The following STAT5B variants were observed in gnomAD, a reference collection of about 807,000 sequenced individuals.
STAT5B encodes signal transducer and activator of transcription 5B, also known as transcription factor STAT5B.
Under a neutral mutation model 107.8 loss-of-function variants are expected in STAT5B, and 21 were observed. The observed-to-expected ratio is 0.19, with a 90% CI of 0.14 to 0.28. The LOEUF is 0.28. Among genes scored for constraint, STAT5B ranks in the 10% least tolerant of loss-of-function variants. The pLI is 1.00. For synonymous variants in STAT5B, 325 were observed against 401.7 expected (o/e 0.81, Z 2.28); for missense variants, 565 against 1,008.2 (o/e 0.56, Z 5.95).
At chr17:42,238,557 C>T (rs1235521067) in intron 1 of STAT5B, among the ~76,000 whole-genome samples, 1 of 150,156 alleles carries the variant, frequency 6.7e-6, no homozygotes, top group Non-Finnish European at 1.5e-5. Flanking sequence ...CGGGTTTAAG[C>T]AATTATCTGC....
chr17:42,225,266 G>A (rs1044177351), intron 3 of STAT5B, among the ~76,000 whole-genome samples: 1 of 152,216 alleles, frequency 6.6e-6, no homozygotes, highest in Middle Eastern at 3.4e-3. Flanking sequence ...TGTTGGCCAG[G>A]CTGGTCTCGA....
intron 1 of STAT5B, chr17:42,271,561 T>C (rs767911017): frequency 4.1e-4 from 59 of 144,234 alleles, no homozygotes; most frequent in Non-Finnish European, 6.4e-4. Flanking sequence ...TCTCTTCATA[T>C]TAGAAAAGTA....
upstream of STAT5B, among the ~76,000 whole-genome samples, chr17:42,278,849 C>T (rs527361283): frequency 3.7e-4 from 56 of 151,770 alleles, no homozygotes; most frequent in Non-Finnish European, 7.5e-4. Flanking sequence ...CGTGGTGGTG[C>T]GCGCCTGTAG....
intron 15 of STAT5B, among the ~76,000 whole-genome samples, chr17:42,208,553 C>T (rs1038417269): frequency 6.6e-6 from 1 of 151,814 alleles, no homozygotes; most frequent in Non-Finnish European, 1.5e-5. Context: ...GCAGGTAATA[C>T]AAAAATCACT....
intron 16 of STAT5B, 131 bp from the exon 17 acceptor site, chr17:42,202,939 T>A: frequency 1.6e-6 from 2 of 1,237,618 alleles, no homozygotes; most frequent in Non-Finnish European, 2.4e-6. Flanking sequence ...CACAAGCACT[T>A]AATATTTTTT....
intron 1 of STAT5B, among the ~76,000 whole-genome samples, chr17:42,249,114 G>A (rs1314644536): frequency 1.3e-5 from 2 of 152,202 alleles, no homozygotes; most frequent in Admixed American, 6.5e-5. Context: ...ATGGTAGGCT[G>A]GGTGAGGTGG....
intron 1 of STAT5B, among the ~76,000 whole-genome samples, chr17:42,239,334 G>T (rs912555134): frequency 1.3e-5 from 2 of 151,418 alleles, no homozygotes; most frequent in Admixed American, 1.3e-4. Context: ...AAGCCAGCAG[G>T]GAGCCATGCC....
intron 2 of STAT5B, among the ~76,000 whole-genome samples, chr17:42,231,377 T>C (rs895752994): frequency 6.6e-6 from 1 of 152,172 alleles, no homozygotes; most frequent in African/African-American, 2.4e-5. Context: ...GGTCTCACTC[T>C]GTTGCTTAGG....
intron 1 of STAT5B, among the ~76,000 whole-genome samples, chr17:42,233,142 A>AT (rs1053866773): frequency 1.4e-4 from 21 of 151,950 alleles, no homozygotes; most frequent in East Asian, 3.9e-4. Flanking sequence ...CAGCTGAGAG[A>AT]TTTTTTTTAA....
At chr17:42,233,344 G>A (rs2080332482) in intron 1 of STAT5B, among the ~76,000 whole-genome samples, 1 of 152,106 alleles carries the variant, frequency 6.6e-6, no homozygotes. Flanking sequence ...AATGCCCGAA[G>A]GTTCACCTCC....
intron 1 of STAT5B, among the ~76,000 whole-genome samples, chr17:42,249,531 C>T (rs986380886): frequency 2.6e-5 from 4 of 152,136 alleles, no homozygotes; most frequent in African/African-American, 9.7e-5. Context: ...CATTCTGCAA[C>T]ATGCTAGGGC....
At position 42,271,172 on chromosome 17, in the gene STAT5B, G is replaced by A. The variant is rs114388518; in HGVS notation, c.-11+5076C>T. ...GTTATTTTTAATACAAATCATGGAT[G>A]TGGCTGTTACTGGCAACTTCGGCCT... On this transcript the variant is annotated intron_variant, in intron 1 of 18. Coordinates refer to ENST00000293328, the MANE Select transcript of STAT5B (RefSeq NM_012448.4). 1.9e-3 allele frequency: 289 copies of A among 152,364 alleles called. 2 individuals carry two copies. Among genetic ancestry groups the A allele is most frequent in the African/African-American group, 6.7e-3 (278 of 41,578 alleles). 9.4% of individuals were successfully genotyped at this position (152,364 alleles called of 1,614,324 possible).
chr17:42,202,476 C>A, intron 17 of STAT5B, 29 bp from the exon 18 acceptor site: 1 of 1,612,252 alleles, frequency 6.2e-7, no homozygotes, highest in Non-Finnish European at 8.5e-7. Context: ...AGAGCTTCAG[C>A]TGCCAGGGAG....
intron 1 of STAT5B, among the ~76,000 whole-genome samples, chr17:42,270,224 T>A (rs1051869370): frequency 6.6e-6 from 1 of 152,026 alleles, no homozygotes; most frequent in Non-Finnish European, 1.5e-5. Context: ...ATAATAATAA[T>A]AAATTAGCCC....
At chr17:42,262,830 A>G (rs2080616035) in intron 1 of STAT5B, among the ~76,000 whole-genome samples, 1 of 121,048 alleles carries the variant, frequency 8.3e-6, no homozygotes, top group Non-Finnish European at 1.7e-5. Context: ...ATATGTGTAT[A>G]TATACACACA....
At chr17:42,259,496 A>G (rs1167865987) in intron 1 of STAT5B, among the ~76,000 whole-genome samples, 1 of 152,096 alleles carries the variant, frequency 6.6e-6, no homozygotes, top group Non-Finnish European at 1.5e-5. Context: ...TAGGTAAGAG[A>G]CACTTTTGTG....
At chr17:42,258,014 C>A (rs1348795812) in intron 1 of STAT5B, among the ~76,000 whole-genome samples, 1 of 152,112 alleles carries the variant, frequency 6.6e-6, no homozygotes, top group African/African-American at 2.4e-5. Flanking sequence ...TAGAGCATAA[C>A]AACTTTGTGT....
At chr17:42,271,699 A>G (rs1490187119) in intron 1 of STAT5B, 1 of 152,220 alleles carries the variant, frequency 6.6e-6, no homozygotes, top group Admixed American at 6.5e-5. Context: ...TTCTTCATCA[A>G]TCAATCAATA....
At chr17:42,244,366 C>T (rs1461428242) in intron 1 of STAT5B, among the ~76,000 whole-genome samples, 1 of 151,258 alleles carries the variant, frequency 6.6e-6, no homozygotes, top group African/African-American at 2.4e-5. Flanking sequence ...GCTGGGATGA[C>T]AAGTGTGAGC....
Sources: gnomAD v4.1 joint callset for allele counts (sites outside exome capture counted in the v4.1 genomes callset) on GRCh38, gnomAD v4.1.1 for gene constraint, MANE v1.5 for transcripts, NCBI Gene and HGNC (gene_info 2026-07-23, HGNC 2026-07-21) for gene names.